Variants in NCKAP5 observed in about 807,000 individuals in gnomAD.
NCKAP5 encodes the protein nck-associated protein 5.
A neutral mutation model predicts 167.0 loss-of-function variants in NCKAP5; 92 were observed. The ratio of observed to expected loss-of-function variants is 0.55; its 90% CI spans 0.47 to 0.66. The LOEUF (loss-of-function observed/expected upper bound fraction) is 0.66, where lower values mean the gene tolerates loss of function less well. NCKAP5 is among the 30% of genes least tolerant of loss of function. NCKAP5 has a pLI of 0.00. For synonymous variants in NCKAP5, 891 were observed against 877.4 expected, an observed-to-expected ratio of 1.02 and a Z score of -0.27; for missense variants, 2,378 against 2,315.0, an observed-to-expected ratio of 1.03 and a Z score of -0.56.
chr2:132,738,404 C>A (rs907313751), intron 16 of NCKAP5, among the ~76,000 whole-genome samples: 12 of 152,084 alleles, frequency 7.9e-5, no homozygotes, highest in Non-Finnish European at 1.3e-4. Context: ...GGCTCTCATC[C>A]CAAGGAATTC....
intron 3 of NCKAP5, among the ~76,000 whole-genome samples, chr2:133,402,394 G>T (rs1209258623): frequency 1.3e-5 from 2 of 152,182 alleles, no homozygotes; most frequent in Admixed American, 1.3e-4. Context: ...CCTTTAGATT[G>T]TAGGGAGGGG....
chr2:133,008,259 T>C (rs2078034070), intron 6 of NCKAP5, among the ~76,000 whole-genome samples: 1 of 152,190 alleles, frequency 6.6e-6, no homozygotes, highest in African/African-American at 2.4e-5. Flanking sequence ...AGATATTGAT[T>C]GTCACTCTCC....
At chr2:132,950,846 C>T (rs1361955475) in intron 8 of NCKAP5, among the ~76,000 whole-genome samples, 1 of 151,800 alleles carries the variant, frequency 6.6e-6, no homozygotes, top group African/African-American at 2.4e-5. Flanking sequence ...ATGAGATTAC[C>T]AAAACCAATT....
chr2:133,250,353 G>A (rs1195165471), intron 4 of NCKAP5, among the ~76,000 whole-genome samples: 1 of 152,102 alleles, frequency 6.6e-6, no homozygotes, highest in Non-Finnish European at 1.5e-5. Context: ...TGGAGCCCTG[G>A]ACAGCTCAGC....
chr2:132,780,191 G>A (rs1023032956), intron 15 of NCKAP5, among the ~76,000 whole-genome samples: 17 of 151,876 alleles, frequency 1.1e-4, no homozygotes, highest in African/African-American at 2.2e-4. Flanking sequence ...TCGCTCTGTC[G>A]CCCAGGCTGG....
At chr2:133,048,807 C>T (rs1165031127) in intron 6 of NCKAP5, among the ~76,000 whole-genome samples, 1 of 152,154 alleles carries the variant, frequency 6.6e-6, no homozygotes, top group Non-Finnish European at 1.5e-5. Flanking sequence ...TTTTAATATA[C>T]ATTGTTTTGG....
At chr2:133,442,227 C>A (rs1244037753) in intron 3 of NCKAP5, among the ~76,000 whole-genome samples, 1 of 152,118 alleles carries the variant, frequency 6.6e-6, no homozygotes, top group East Asian at 1.9e-4. Context: ...GAAAGAGAGG[C>A]AGGGAGGAAA....
intron 16 of NCKAP5, among the ~76,000 whole-genome samples, chr2:132,739,571 G>C (rs769650483): frequency 8.5e-5 from 13 of 152,056 alleles, no homozygotes; most frequent in South Asian, 2.1e-4. Flanking sequence ...TTCTATAACC[G>C]GTTGTCAGGG....
chr2:132,671,812 T>C lies in NCKAP5; in HGVS notation c.*1477A>G, dbSNP rs761791636. ...GTTTTCAGAGGGTGCAAATGTGATA[T>C]AACTTTTATTCAGAAAGGAAACAAA... On this transcript the variant is annotated 3_prime_UTR_variant, in exon 20 of 20. Transcript: ENST00000409261. 3 of 152,700 alleles carry C rather than the reference T, an allele frequency of 2.0e-5. No individual in the cohort carries two copies. The highest frequency in any genetic ancestry group is 7.2e-5 in the African/African-American group (3 of 41,472). 9.5% of individuals were successfully genotyped at this position (152,700 alleles called of 1,614,324 possible). A position where few individuals can be genotyped will look rare whatever the true frequency, so the allele number is the denominator to read the frequency against.
At chr2:133,411,127 A>G (rs2151058278) in intron 3 of NCKAP5, among the ~76,000 whole-genome samples, 1 of 152,324 alleles carries the variant, frequency 6.6e-6, no homozygotes, top group Non-Finnish European at 1.5e-5. Flanking sequence ...TTATAAAATG[A>G]GGATCATAAT....
intron 5 of NCKAP5, among the ~76,000 whole-genome samples, chr2:133,135,905 A>G (rs1443977344): frequency 2.0e-5 from 3 of 152,214 alleles, no homozygotes; most frequent in Non-Finnish European, 2.9e-5. Context: ...AATATACTTC[A>G]GCTACTTTTG....
chr2:133,415,837 C>T (rs116340150), intron 3 of NCKAP5, among the ~76,000 whole-genome samples: 2 of 152,120 alleles, frequency 1.3e-5, no homozygotes, highest in Non-Finnish European at 2.9e-5. Flanking sequence ...TGAAATGATA[C>T]ATTTATTTTG....
intron 6 of NCKAP5, among the ~76,000 whole-genome samples, chr2:133,080,788 A>C (rs534335695): frequency 1.3e-5 from 2 of 152,284 alleles, no homozygotes; most frequent in African/African-American, 4.8e-5. Flanking sequence ...TAGCCGAAAA[A>C]GGTACCGTGG....
chr2:132,936,297 A>G (rs555946714), intron 8 of NCKAP5, among the ~76,000 whole-genome samples: 2 of 152,312 alleles, frequency 1.3e-5, no homozygotes, highest in African/African-American at 2.4e-5. Flanking sequence ...TATTTTCTAT[A>G]TAATTTCTTT....
At chr2:133,641,850 A>G in the NCKAP5 span, among the ~76,000 whole-genome samples, 1 of 152,212 alleles carries the variant, frequency 6.6e-6, no homozygotes, top group Non-Finnish European at 1.5e-5. Flanking sequence ...GTGTAACTGG[A>G]ACATCTATTA....
chr2:133,610,890 T>C, the NCKAP5 span, among the ~76,000 whole-genome samples: 1 of 152,178 alleles, frequency 6.6e-6, no homozygotes, highest in Non-Finnish European at 1.5e-5. Context: ...TTTTACTAGA[T>C]ATTCTTGCCC....
In NCKAP5 at chr2:132,731,986, T is replaced by G. The variant is rs1234265991; in HGVS notation, c.5194A>C (p.Asn1732His). Residue 1732 changes from asparagine (N) to histidine (H), a missense_variant, in exon 17 of 20, where the codon AAT (asparagine) becomes CAT (histidine). Transcript: ENST00000409261. ...CATAGGTAGCGTCCTGTCGAGCGAT[T>G]TCCCGAGTCTGGGAGTGGAAAGGTT... ...IGTFPLPDSG[N>H]RSTGRYLCQP... is the part of the protein sequence containing the mutation. The G allele has an allele frequency of 1.9e-6, 3 of 1,613,752 alleles. No individual in the cohort carries two copies. Among genetic ancestry groups the G allele is most frequent in the Non-Finnish European group, 2.5e-6 (3 of 1,179,870 alleles).
chr2:132,811,861 G>A (rs919953754), intron 11 of NCKAP5, among the ~76,000 whole-genome samples: 22 of 152,190 alleles, frequency 1.4e-4, no homozygotes, highest in Middle Eastern at 3.4e-3. Context: ...TTTACCCCCC[G>A]CTCCTCTGGC....
chr2:133,661,940 T>C, the NCKAP5 span, among the ~76,000 whole-genome samples: 9 of 152,136 alleles, frequency 5.9e-5, no homozygotes, highest in African/African-American at 2.2e-4. Context: ...TAAACTAAGA[T>C]TCAATTCCCA....
Sources: allele counts gnomAD v4.1 joint callset (sites outside exome capture counted in the v4.1 genomes callset), GRCh38; gene constraint gnomAD v4.1.1; transcripts MANE v1.5; gene names NCBI Gene and HGNC (gene_info 2026-07-23, HGNC 2026-07-21).